DEPDC1B: variants seen among roughly 807,000 people sequenced by gnomAD.
The protein encoded by DEPDC1B is DEP domain containing 1B.
In DEPDC1B, 51 loss-of-function variants were observed where a neutral mutation model predicts 66.5. The observed-to-expected ratio is 0.77, with a 90% CI of 0.61 to 0.97. The LOEUF (loss-of-function observed/expected upper bound fraction) is 0.97, where lower values mean the gene tolerates loss of function less well. Ranked by LOEUF, DEPDC1B falls within the 50% of genes least tolerant of loss-of-function variation. The probability of loss-of-function intolerance (pLI) is 0.00; values close to 1 mark genes in which losing one functional copy is unlikely to be tolerated. For synonymous variants in DEPDC1B, 226 were observed against 223.6 expected, an observed-to-expected ratio of 1.01 and a Z score of -0.10; for missense variants, 552 against 637.1, an observed-to-expected ratio of 0.87 and a Z score of 1.44.
intron 6 of DEPDC1B, among the ~76,000 whole-genome samples, chr5:60,641,220 T>C (rs952540360): frequency 6.6e-6 from 1 of 152,202 alleles, no homozygotes; most frequent in Non-Finnish European, 1.5e-5. Context: ...GGGAAAATTA[T>C]GTTCTTTACT....
Position 60,653,221 on chromosome 5 carries a change from C to T in DEPDC1B, c.315-5688G>A, listed in dbSNP as rs372742441. The stretch of plus-strand genomic sequence containing the variant: ...TTCCATAGTTGTACTAGTTTACATT[C>T]CCACCAGCAGTCTAAACGTGTTCCT... On this transcript the variant is annotated intron_variant, in intron 2 of 10. Coordinates refer to ENST00000265036, the MANE Select transcript of DEPDC1B (RefSeq NM_018369.3). Among the ~76,000 whole-genome samples, 26 of 149,406 alleles carry T rather than the reference C, an allele frequency of 1.7e-4. 1 individual carries two copies. Among genetic ancestry groups the T allele is most frequent in the Middle Eastern group, 6.9e-3 (2 of 290 alleles).
intron 2 of DEPDC1B, among the ~76,000 whole-genome samples, chr5:60,682,322 G>A (rs958825275): frequency 4.6e-5 from 7 of 152,226 alleles, no homozygotes; most frequent in South Asian, 2.1e-4. Context: ...CAATGAGAAC[G>A]CATGGACACA....
chr5:60,672,501 C>T (rs1195195481), intron 2 of DEPDC1B, among the ~76,000 whole-genome samples: 4 of 152,126 alleles, frequency 2.6e-5, no homozygotes, highest in African/African-American at 9.7e-5. Flanking sequence ...CATCAGATCT[C>T]GTGATAACTC....
chr5:60,635,548 A>C (rs1325877666), intron 7 of DEPDC1B, among the ~76,000 whole-genome samples: 1 of 152,240 alleles, frequency 6.6e-6, no homozygotes, highest in Non-Finnish European at 1.5e-5. Context: ...ATAAACCAGG[A>C]GTTGCAAGCT....
intron 2 of DEPDC1B, among the ~76,000 whole-genome samples, chr5:60,663,289 T>A (rs1753763441): frequency 6.6e-6 from 1 of 152,052 alleles, no homozygotes; most frequent in African/African-American, 2.4e-5. Context: ...CGAGGACCAA[T>A]AAGGACTCCA....
chr5:60,696,673 G>A (rs1754661133), intron 1 of DEPDC1B, among the ~76,000 whole-genome samples: 2 of 151,966 alleles, frequency 1.3e-5, no homozygotes, highest in Admixed American at 6.6e-5. Context: ...GAACAAAACA[G>A]ATTTGTTTTA....
At chr5:60,668,463 CG>C (rs1168371529) in intron 2 of DEPDC1B, among the ~76,000 whole-genome samples, 6 of 151,174 alleles carry the variant, frequency 4.0e-5, no homozygotes, top group Non-Finnish European at 7.4e-5. Flanking sequence ...TTAGCAGAGT[CG>C]GGGTTTCATG....
rs776759408 is a variant in DEPDC1B at position 60,603,378 on chromosome 5, T to C, written c.1242+13A>G. On this transcript the variant is annotated intron_variant, in intron 9 of 10. Transcript: ENST00000265036. ...TGCCAATTTCATAGAACTGATAATA[T>C]CCTCTCCTTTACCTGGACTCTTCGT... 2.0e-6 allele frequency: 3 copies of C among 1,537,024 alleles called. No individual in the cohort carries two copies. Among genetic ancestry groups the C allele is most frequent in the Non-Finnish European group, 2.6e-6 (3 of 1,149,486 alleles).
rs772672633 is a variant in DEPDC1B at position 60,687,000 on chromosome 5, C to T, written c.276G>A (p.Trp92Ter). The change falls in exon 2 of 11, where the codon TGG (tryptophan) becomes TGA (stop). Residue 92 changes from tryptophan (W) to a stop codon, truncating the protein, a stop_gained. Coordinates refer to ENST00000265036, the MANE Select transcript of DEPDC1B (RefSeq NM_018369.3). LOFTEE classifies it high-confidence loss of function. ...GATTGTCTTCAAAATCTTCCTCACC[C>T]CATTTTCCCTTGATGTCTTCAATAA... ...NHVIEDIKGK[W>*]GEEDFEDNRH... The T allele has an allele frequency of 6.2e-7, 1 of 1,614,210 alleles. No individual in the cohort carries two copies. Among genetic ancestry groups the T allele is most frequent in the Non-Finnish European group, 8.5e-7 (1 of 1,180,038 alleles).
intron 7 of DEPDC1B, among the ~76,000 whole-genome samples, chr5:60,629,774 C>G (rs1217313693): frequency 6.6e-6 from 1 of 152,096 alleles, no homozygotes; most frequent in Admixed American, 6.6e-5. Flanking sequence ...AGATAACAAC[C>G]CTTTCAGATA....
In DEPDC1B at chr5:60,698,669, AT is replaced by A. The variant is rs34466259; in HGVS notation, c.48+1376del. On this transcript the variant is annotated intron_variant, in intron 1 of 10. Coordinates refer to ENST00000265036, the MANE Select transcript of DEPDC1B (RefSeq NM_018369.3). The stretch of plus-strand genomic sequence containing the variant: ...CACAGACTCTCCCAATCTCCTTATT[AT>A]TTTTTTTTTTTTTTGAGATGGAGTT... Among the ~76,000 whole-genome samples the A allele has an allele frequency of 5.3e-3, 756 of 143,836 alleles. 6 individuals carry two copies. The highest frequency in any genetic ancestry group is 0.016 in the African/African-American group (602 of 38,698). The allele number at this position is 143,836 out of a possible 152,430, so 94.4% of individuals were successfully genotyped here. A position where few individuals can be genotyped will look rare whatever the true frequency, so the allele number is the denominator to read the frequency against.
intron 1 of DEPDC1B, among the ~76,000 whole-genome samples, chr5:60,698,808 G>GT (rs545950885): frequency 7.8e-4 from 119 of 152,052 alleles, no homozygotes; most frequent in African/African-American, 2.7e-3. Flanking sequence ...TGAGACTATA[G>GT]GCGCATGCCA....
intron 9 of DEPDC1B, among the ~76,000 whole-genome samples, chr5:60,600,695 T>A (rs1330165584): frequency 1.3e-5 from 2 of 152,198 alleles, no homozygotes; most frequent in Non-Finnish European, 2.9e-5. Flanking sequence ...CTTAACAAGA[T>A]CATGTTTACC....
At chr5:60,607,390 C>A (rs1752333018) in intron 7 of DEPDC1B, among the ~76,000 whole-genome samples, 1 of 152,106 alleles carries the variant, frequency 6.6e-6, no homozygotes, top group Non-Finnish European at 1.5e-5. Context: ...CTATGTAGAC[C>A]TGTTTTCAAT....
intron 2 of DEPDC1B, among the ~76,000 whole-genome samples, chr5:60,658,050 C>T (rs1014344833): frequency 3.9e-5 from 6 of 152,128 alleles, no homozygotes; most frequent in African/African-American, 1.2e-4. Context: ...TCTTCAAGCT[C>T]TGAAGTTCTT....
chr5:60,669,177 ATT>A (rs1054995802), intron 2 of DEPDC1B, among the ~76,000 whole-genome samples: 5 of 152,198 alleles, frequency 3.3e-5, no homozygotes, highest in Admixed American at 2.0e-4. Flanking sequence ...AAAAATTAGG[ATT>A]TATTACCTAA....
chr5:60,613,523 A>T (rs922200835), intron 7 of DEPDC1B, among the ~76,000 whole-genome samples: 1 of 152,240 alleles, frequency 6.6e-6, no homozygotes, highest in African/African-American at 2.4e-5. Flanking sequence ...AACGAACAGA[A>T]GCCATCACAA....
intron 2 of DEPDC1B, among the ~76,000 whole-genome samples, chr5:60,671,075 A>G (rs1003235434): frequency 2.6e-5 from 4 of 152,130 alleles, no homozygotes; most frequent in Non-Finnish European, 1.5e-5. Context: ...AAAGTGCATG[A>G]TTACCATGGG....
intron 8 of DEPDC1B, among the ~76,000 whole-genome samples, chr5:60,603,826 C>CATAT (rs34747463): frequency 0.086 from 12,513 of 145,956 alleles, 809 homozygotes; most frequent in African/African-American, 0.19. Flanking sequence ...TTTAAATATA[C>CATAT]ATATATATAT....
Sources: gnomAD v4.1 joint callset for allele counts (sites outside exome capture counted in the v4.1 genomes callset) on GRCh38, gnomAD v4.1.1 for gene constraint, MANE v1.5 for transcripts, NCBI Gene and HGNC (gene_info 2026-07-23, HGNC 2026-07-21) for gene names.